The following MICAL2 variants were observed in gnomAD, a reference collection of about 807,000 sequenced individuals.
MICAL2 encodes the protein microtubule associated monooxygenase, calponin and LIM domain containing 2.
In MICAL2, 77 loss-of-function variants were observed where a neutral mutation model predicts 127.3. The observed-to-expected ratio is 0.60, with a 90% confidence interval of 0.50 to 0.73. The LOEUF (loss-of-function observed/expected upper bound fraction) is 0.73, where lower values mean the gene tolerates loss of function less well. Ranked by LOEUF, MICAL2 falls within the 30% of genes least tolerant of loss-of-function variation. The pLI, the probability that MICAL2 is intolerant of heterozygous loss-of-function variation, is 0.00. For missense variants in MICAL2, 1,351 were observed against 1,434.4 expected (o/e 0.94, Z 0.94); for synonymous variants, 570 against 551.1 (o/e 1.03, Z -0.48).
At chr11:12,341,083 A>G (rs952566983) in intron 32 of MICAL2, among the ~76,000 whole-genome samples, 3 of 152,190 alleles carry the variant, frequency 2.0e-5, no homozygotes, top group Non-Finnish European at 4.4e-5. Flanking sequence ...AGGGTGGTAG[A>G]AACTTGAATG....
intron 6 of MICAL2, among the ~76,000 whole-genome samples, chr11:12,212,188 C>T (rs1396233644): frequency 6.6e-6 from 1 of 152,222 alleles, no homozygotes; most frequent in Admixed American, 6.5e-5. Context: ...TGCGTTTACC[C>T]TGCACCAGCT....
intron 2 of MICAL2, among the ~76,000 whole-genome samples, chr11:12,148,815 G>A (rs11022210): frequency 1.2e-4 from 14 of 118,770 alleles, no homozygotes; most frequent in Non-Finnish European, 1.9e-4. Context: ...GTAGAAAAGG[G>A]GGCCCAGGGA....
At chr11:12,226,972 C>A in intron 14 of MICAL2, 53 bp from the exon 15 acceptor site, 1 of 1,415,254 alleles carries the variant, frequency 7.1e-7, no homozygotes, top group Non-Finnish European at 1.0e-6. Flanking sequence ...TTGTTATAGC[C>A]ATACTTCCCA....
At chr11:12,348,502 T>A (rs1387969612) in intron 32 of MICAL2, among the ~76,000 whole-genome samples, 1 of 152,184 alleles carries the variant, frequency 6.6e-6, no homozygotes, top group Non-Finnish European at 1.5e-5. Flanking sequence ...CCATAAATAC[T>A]GAGAGATGAC....
chr11:12,355,485 T>A (rs1470740762), intron 34 of MICAL2, among the ~76,000 whole-genome samples: 2 of 152,230 alleles, frequency 1.3e-5, no homozygotes, highest in Non-Finnish European at 2.9e-5. Context: ...CACTCCGTTT[T>A]GCACCTGTGT....
intron 33 of MICAL2, among the ~76,000 whole-genome samples, chr11:12,351,042 T>C (rs1324226190): frequency 6.6e-6 from 1 of 152,244 alleles, no homozygotes; most frequent in African/African-American, 2.4e-5. Context: ...TCTTCTGCTC[T>C]TATAAAGACA....
At chr11:12,223,359 G>A (rs1857046468) in intron 11 of MICAL2, 52 bp from the exon 12 acceptor site, 13 of 1,534,208 alleles carry the variant, frequency 8.5e-6, no homozygotes, top group Non-Finnish European at 1.2e-5. Flanking sequence ...GGGGCCCTGA[G>A]ACTAGGATTT....
chr11:12,214,064 C>T (rs1333709363), intron 7 of MICAL2, among the ~76,000 whole-genome samples: 4 of 152,122 alleles, frequency 2.6e-5, no homozygotes, highest in African/African-American at 4.8e-5. Flanking sequence ...AAACAAAATC[C>T]GTCCCTCCTG....
At chr11:12,178,527 CA>C (rs983382941) in intron 3 of MICAL2, among the ~76,000 whole-genome samples, 2 of 151,946 alleles carry the variant, frequency 1.3e-5, no homozygotes, top group African/African-American at 4.8e-5. Flanking sequence ...TTCTGATTGG[CA>C]ATTGGTTGAA....
intron 4 of MICAL2, 170 bp from the exon 5 acceptor site, chr11:12,207,853 T>C: frequency 1.6e-6 from 1 of 609,290 alleles, no homozygotes; most frequent in Non-Finnish European, 3.0e-6. Flanking sequence ...ACTGTAAGAG[T>C]TAGATGAGAA....
intron 1 of MICAL2, among the ~76,000 whole-genome samples, chr11:12,120,846 T>C (rs1850447071): frequency 6.6e-6 from 1 of 152,040 alleles, no homozygotes; most frequent in Non-Finnish European, 1.5e-5. Flanking sequence ...CAGAGAGGGA[T>C]AGTCAGAGTC....
intron 29 of MICAL2, chr11:12,303,863 C>G (rs1186144131): frequency 6.6e-6 from 1 of 151,836 alleles, no homozygotes; most frequent in Non-Finnish European, 1.5e-5. Flanking sequence ...ATAAGGAGAC[C>G]CTGTCTCTAT....
chr11:12,221,805 G>A (rs774137188), intron 10 of MICAL2, 46 bp downstream of exon 10: 1 of 1,510,210 alleles, frequency 6.6e-7, no homozygotes, highest in East Asian at 2.3e-5. Flanking sequence ...AGGGCACTCA[G>A]GCAGGAAAGG....
intron 1 of MICAL2, among the ~76,000 whole-genome samples, chr11:12,136,132 G>A (rs549665298): frequency 6.6e-6 from 1 of 152,178 alleles, no homozygotes; most frequent in African/African-American, 2.4e-5. Flanking sequence ...AACCTTCCCT[G>A]TATCACCCAA....
At chr11:12,324,803 C>T (rs867084063) in intron 31 of MICAL2, among the ~76,000 whole-genome samples, 1 of 152,328 alleles carries the variant, frequency 6.6e-6, no homozygotes, top group Non-Finnish European at 1.5e-5. Context: ...ATTCAATCCA[C>T]CCTCCTTTAC....
intron 1 of MICAL2, among the ~76,000 whole-genome samples, chr11:12,278,797 A>C (rs898401965): frequency 2.0e-5 from 3 of 152,152 alleles, no homozygotes; most frequent in African/African-American, 7.2e-5. Context: ...AATGGCTGGT[A>C]TGGTCATTTC....
At chr11:12,359,255 T>G (rs1249389702), downstream of MICAL2, 2 of 152,038 alleles carry the variant, frequency 1.3e-5, no homozygotes, top group African/African-American at 4.8e-5. Context: ...ATGCTTTTTA[T>G]GGACCCTGGA....
chr11:12,240,926 C>G (rs1859833717), intron 17 of MICAL2, 114 bp from the exon 18 acceptor site: 2 of 1,393,056 alleles, frequency 1.4e-6, no homozygotes, highest in Non-Finnish European at 2.0e-6. Context: ...TCTGCACTTG[C>G]AACCTTCGTC....
chr11:12,251,715 A>G (rs1292718268), intron 22 of MICAL2, among the ~76,000 whole-genome samples: 1 of 152,068 alleles, frequency 6.6e-6, no homozygotes, highest in African/African-American at 2.4e-5. Context: ...TCCCCTGCGC[A>G]GATGACCCAG....
Sources: allele counts gnomAD v4.1 joint callset (sites outside exome capture counted in the v4.1 genomes callset), GRCh38; gene constraint gnomAD v4.1.1; transcripts MANE v1.5; gene names NCBI Gene and HGNC (gene_info 2026-07-23, HGNC 2026-07-21).